The following FAM3C variants were observed in gnomAD, a reference collection of about 807,000 sequenced individuals.
The protein encoded by FAM3C is FAM3 metabolism regulating signaling molecule C.
In FAM3C, 15 loss-of-function variants were observed where a neutral mutation model predicts 32.5. The ratio of observed to expected loss-of-function variants is 0.46; its 90% CI spans 0.31 to 0.71. The LOEUF is 0.71. FAM3C is among the 30% of genes least tolerant of loss of function. The pLI is 0.05. For synonymous variants in FAM3C, 75 were observed against 86.1 expected, an observed-to-expected ratio of 0.87 and a Z score of 0.72; for missense variants, 175 against 274.4, an observed-to-expected ratio of 0.64 and a Z score of 2.56.
intron 5 of FAM3C, among the ~76,000 whole-genome samples, chr7:121,367,319 G>A (rs1199122311): frequency 6.6e-6 from 1 of 152,098 alleles, no homozygotes; most frequent in Admixed American, 6.5e-5. Context: ...TCTTAAGATG[G>A]TTAGTTTAAA....
At chr7:121,390,692 C>T (rs77951610) in intron 1 of FAM3C, among the ~76,000 whole-genome samples, 1,539 of 151,920 alleles carry the variant, frequency 0.01, 15 homozygotes, top group Non-Finnish European at 0.015. Context: ...AATGCAAACT[C>T]CTGAGCCAAC....
At chr7:121,390,850 G>GGGGT (rs1794560231) in intron 1 of FAM3C, among the ~76,000 whole-genome samples, 1 of 30,984 alleles carries the variant, frequency 3.2e-5, no homozygotes, top group African/African-American at 8.1e-5. Context: ...AGGCTGTGTG[G>GGGGT]GGCGGGGGGG....
chr7:121,361,978 C>T (rs950934287), intron 7 of FAM3C, among the ~76,000 whole-genome samples: 1 of 152,172 alleles, frequency 6.6e-6, no homozygotes. Context: ...CGTCCGGCTA[C>T]ATACCATCTT....
Position 121,359,407 on chromosome 7 carries a change from CGTAAGTGAAGAG to C in FAM3C, c.467+624_467+635del, listed in dbSNP as rs548588061. Among the ~76,000 whole-genome samples the C allele has an allele frequency of 3.7e-3, 563 of 151,916 alleles. 2 individuals carry two copies. The highest frequency in any genetic ancestry group is 0.013 in the African/African-American group (549 of 41,470). Reference sequence around the variant, plus strand: ...TAATAATAAGGGGAAATATTCACCACGTAAGTGAAGAGATATGCTATAAATACTAGCATTCTA... The same window carrying C: ...TAATAATAAGGGGAAATATTCACCACATATGCTATAAATACTAGCATTCTA... On this transcript the variant is annotated intron_variant, in intron 8 of 9. Coordinates refer to ENST00000359943, the MANE Select transcript of FAM3C (RefSeq NM_014888.3).
chr7:121,366,682 T>G (rs905251113), intron 5 of FAM3C, among the ~76,000 whole-genome samples: 27 of 152,150 alleles, frequency 1.8e-4, no homozygotes, highest in African/African-American at 6.5e-4. Context: ...ATAATATAAA[T>G]GAGCAAAATG....
At chr7:121,368,527 G>A (rs1794070590) in intron 5 of FAM3C, among the ~76,000 whole-genome samples, 1 of 152,120 alleles carries the variant, frequency 6.6e-6, no homozygotes, top group Admixed American at 6.5e-5. Flanking sequence ...AACTGGCAAT[G>A]GCCTTCCAAT....
At chr7:121,360,361 C>T (rs746017405) in intron 7 of FAM3C, among the ~76,000 whole-genome samples, 4 of 152,178 alleles carry the variant, frequency 2.6e-5, no homozygotes, top group South Asian at 2.1e-4. Flanking sequence ...CTGTGTCTTT[C>T]GTATTGATAT....
At chr7:121,367,767 G>C (rs1794051665) in intron 5 of FAM3C, among the ~76,000 whole-genome samples, 1 of 152,064 alleles carries the variant, frequency 6.6e-6, no homozygotes, top group South Asian at 2.1e-4. Context: ...AAGACTTCAA[G>C]ACCACCTTGG....
rs1794397488 is a variant in FAM3C, at chr7:121,383,302, T to C, written c.-41-292A>G. ...AATGCCTTCTTATTCTCATGGATTA[T>C]GCATCTATAAGAAACTTTTGATATT... On this transcript the variant is annotated intron_variant, in intron 1 of 9. Coordinates refer to ENST00000359943, the MANE Select transcript of FAM3C (RefSeq NM_014888.3). 2.0e-5 allele frequency among the ~76,000 whole-genome samples: 3 copies of C among 152,308 alleles called. No individual in the cohort carries two copies. The South Asian group carries it at 6.2e-4, about 32-fold the overall frequency.
rs150696952 is a variant in FAM3C, at chr7:121,367,744, A to T, written c.272+3556T>A. 2.6e-5 allele frequency among the ~76,000 whole-genome samples: 4 copies of T among 152,286 alleles called. No individual in the cohort carries two copies. The East Asian group carries it at 7.7e-4, about 29-fold the overall frequency. On this transcript the variant is annotated intron_variant, in intron 5 of 9. Coordinates refer to ENST00000359943, the MANE Select transcript of FAM3C (RefSeq NM_014888.3). ...CACTTTGGGAGGCTGAGGTGGGAAG[A>T]CTGCTTGAACCCAAGACTTCAAGAC...
At chr7:121,359,946 T>C (rs1793886219) in intron 8 of FAM3C, 97 bp downstream of exon 8, 1 of 707,408 alleles carries the variant, frequency 1.4e-6, no homozygotes, top group Admixed American at 2.4e-5. Flanking sequence ...GGTAGTTTGA[T>C]TACTTTGCTC....
intron 8 of FAM3C, 153 bp from the exon 9 acceptor site, chr7:121,351,422 A>G (rs1793703700): frequency 1.3e-5 from 8 of 615,534 alleles, no homozygotes; most frequent in Non-Finnish European, 2.0e-5. Flanking sequence ...TTACATTTCT[A>G]CTGGTTGAAT....
At chr7:121,360,303 T>G (rs1337153223) in intron 7 of FAM3C, among the ~76,000 whole-genome samples, 176 bp from the exon 8 acceptor site, 1 of 152,218 alleles carries the variant, frequency 6.6e-6, no homozygotes, top group African/African-American at 2.4e-5. Flanking sequence ...AATTTGTCCC[T>G]TAACATAATC....
intron 1 of FAM3C, among the ~76,000 whole-genome samples, chr7:121,395,220 CATAT>C (rs1166860302): frequency 6.6e-6 from 1 of 150,526 alleles, no homozygotes; most frequent in Non-Finnish European, 1.5e-5. Context: ...CGGATACATA[CATAT>C]ATATGGATAC....
chr7:121,360,845 C>CA (rs1254435673), intron 7 of FAM3C, among the ~76,000 whole-genome samples: 1 of 151,352 alleles, frequency 6.6e-6, no homozygotes, highest in Non-Finnish European at 1.5e-5. Flanking sequence ...AAAAACAAAA[C>CA]AAAAAAACAA....
chr7:121,363,089 T>C (rs1014316304), intron 6 of FAM3C, 142 bp from the exon 7 acceptor site: 5 of 525,122 alleles, frequency 9.5e-6, no homozygotes, highest in South Asian at 5.9e-5. Context: ...TGTGAATTCA[T>C]CTCAAAGAAT....
intron 8 of FAM3C, among the ~76,000 whole-genome samples, chr7:121,356,246 T>C (rs1018704677): frequency 2.6e-5 from 4 of 152,222 alleles, no homozygotes; most frequent in African/African-American, 9.6e-5. Context: ...TCTGGAACCC[T>C]GTGTTTGATT....
At position 121,382,985 on chromosome 7, in the gene FAM3C, T is replaced by C. The variant is rs771526242; in HGVS notation, c.-16A>G. On this transcript the variant is annotated 5_prime_UTR_variant, in exon 2 of 10. Transcript: ENST00000359943. ...CTACCCTCATGTTTGGTTTTTCAGT[T>C]TATGGCACTTTTCATTAATATGCTC... The C allele has an allele frequency of 6.3e-7, 1 of 1,598,558 alleles. No individual in the cohort carries two copies. Among genetic ancestry groups the C allele is most frequent in the African/African-American group, 1.3e-5 (1 of 74,376 alleles).
chr7:121,389,108 T>C (rs938133153), intron 1 of FAM3C, among the ~76,000 whole-genome samples: 1 of 152,154 alleles, frequency 6.6e-6, no homozygotes, highest in Non-Finnish European at 1.5e-5. Flanking sequence ...ATCATGAAAG[T>C]GCCCCATCTA....
Sources: gnomAD v4.1 joint callset for allele counts (sites outside exome capture counted in the v4.1 genomes callset) on GRCh38, gnomAD v4.1.1 for gene constraint, MANE v1.5 for transcripts, NCBI Gene and HGNC (gene_info 2026-07-23, HGNC 2026-07-21) for gene names.